The following OR4N2 variants were observed in gnomAD, a reference collection of about 807,000 sequenced individuals.
The protein encoded by OR4N2 is olfactory receptor family 4 subfamily N member 2.
For synonymous variants in OR4N2, 141 were observed against 140.4 expected (o/e 1.00, Z -0.03); for missense variants, 307 against 377.6 (o/e 0.81, Z 1.55).
chr14:19,828,412 G>T lies in OR4N2; in HGVS notation c.*40G>T, dbSNP rs141930983. ...AAAAAAAGAATAAAAATAGACTGTA[G>T]AATTTTATCTGAAATTGATTTGTTT... On this transcript the variant is annotated 3_prime_UTR_variant, in exon 2 of 2. Coordinates refer to ENST00000557677, the MANE Select transcript of OR4N2 (RefSeq NM_001004723.3). The T allele has an allele frequency of 2.0e-6, 3 of 1,488,630 alleles. No individual in the cohort carries two copies. The highest frequency in any genetic ancestry group is 2.5e-5 in the South Asian group (2 of 79,062). 92.2% of individuals were successfully genotyped at this position (1,488,630 alleles called of 1,614,324 possible). A position where few individuals can be genotyped will look rare whatever the true frequency, so the allele number is the denominator to read the frequency against.
At chr14:19,808,625 T>C (rs1879222869) in intron 1 of OR4N2, among the ~76,000 whole-genome samples, 1 of 152,166 alleles carries the variant, frequency 6.6e-6, no homozygotes, top group Non-Finnish European at 1.5e-5. Context: ...CAAGAATCAA[T>C]GTTGTTAAAA....
chr14:19,822,553 C>T (rs1322599988), intron 1 of OR4N2: 1 of 152,240 alleles, frequency 6.6e-6, no homozygotes. Flanking sequence ...AAACCACTAG[C>T]TGTACTGGCA....
chr14:19,812,328 T>C, intron 1 of OR4N2, among the ~76,000 whole-genome samples: 1 of 118,846 alleles, frequency 8.4e-6, no homozygotes, highest in Non-Finnish European at 1.9e-5. Flanking sequence ...TCTTTTCTTT[T>C]CTTTTTTTTT....
intron 1 of OR4N2, among the ~76,000 whole-genome samples, chr14:19,812,153 G>A (rs553842576): frequency 1.3e-5 from 2 of 152,166 alleles, no homozygotes; most frequent in African/African-American, 4.8e-5. Flanking sequence ...TCTGAAAAAC[G>A]AAACAAAGTA....
At chr14:19,804,723 A>C (rs1879121575) in intron 1 of OR4N2, among the ~76,000 whole-genome samples, 1 of 152,200 alleles carries the variant, frequency 6.6e-6, no homozygotes, top group African/African-American at 2.4e-5. Context: ...CCATTTTGTC[A>C]AATGTCGAGC....
At chr14:19,804,770 T>C (rs111769951) in intron 1 of OR4N2, among the ~76,000 whole-genome samples, 1 of 152,202 alleles carries the variant, frequency 6.6e-6, no homozygotes, top group Admixed American at 6.5e-5. Flanking sequence ...TCTATCTCAA[T>C]GCTCTAATAC....
At chr14:19,812,739 G>T (rs1879333967) in intron 1 of OR4N2, among the ~76,000 whole-genome samples, 1 of 152,130 alleles carries the variant, frequency 6.6e-6, no homozygotes, top group Non-Finnish European at 1.5e-5. Flanking sequence ...TTTCTCTAAT[G>T]AATAGTCAAG....
chr14:19,828,501 A>G lies in OR4N2; in HGVS notation c.*129A>G. On this transcript the variant is annotated 3_prime_UTR_variant, in exon 2 of 2. Transcript: ENST00000557677. ...TCAGGACTATTCTGGGAACTGAAAA[A>G]AGAAATTACTGAGGCAGATAAGGTC... is the stretch of plus-strand genomic sequence containing the variant. 1.2e-5 allele frequency: 12 copies of G among 964,196 alleles called. No homozygotes were observed. The highest frequency in any genetic ancestry group is 1.8e-5 in the Non-Finnish European group (12 of 664,872). 59.7% of individuals were successfully genotyped at this position (964,196 alleles called of 1,614,324 possible).
intron 1 of OR4N2, among the ~76,000 whole-genome samples, chr14:19,823,547 T>C (rs1879617761): frequency 6.6e-6 from 1 of 152,252 alleles, no homozygotes; most frequent in Non-Finnish European, 1.5e-5. Context: ...TTTCTGGTTT[T>C]TGTTTTGTTT....
At chr14:19,815,012 T>C (rs1879389927) in intron 1 of OR4N2, among the ~76,000 whole-genome samples, 1 of 152,272 alleles carries the variant, frequency 6.6e-6, no homozygotes, top group Admixed American at 6.5e-5. Context: ...CATCCTGTTT[T>C]ATGGCTGCAT....
intron 1 of OR4N2, among the ~76,000 whole-genome samples, chr14:19,827,203 G>A (rs1879721369): frequency 6.6e-6 from 1 of 152,276 alleles, no homozygotes; most frequent in Non-Finnish European, 1.5e-5. Context: ...TGATTCTGTA[G>A]AAGCACATGG....
intron 1 of OR4N2, among the ~76,000 whole-genome samples, chr14:19,808,722 C>A (rs1453088879): frequency 6.6e-5 from 10 of 151,922 alleles, no homozygotes; most frequent in Non-Finnish European, 5.9e-5. Context: ...GAAAAAAGAT[C>A]TAAAATTCAT....
rs1382883942 is a variant in OR4N2, at chr14:19,815,417, G to A, written c.-10+11573G>A. On this transcript the variant is annotated intron_variant, in intron 1 of 1. Transcript: ENST00000557677. The stretch of plus-strand genomic sequence containing the variant: ...TGGTTTTGATTTGCATTTCTCTAAT[G>A]ACCAGTGATGATGAGCTTTTTTTTC... Among the ~76,000 whole-genome samples the A allele has an allele frequency of 6.0e-3, 907 of 152,258 alleles. 5 individuals carry two copies. The highest frequency in any genetic ancestry group is 0.02 in the African/African-American group (818 of 41,488).
intron 1 of OR4N2, among the ~76,000 whole-genome samples, chr14:19,805,899 GA>G (rs1350276525): frequency 3.9e-5 from 6 of 152,122 alleles, no homozygotes; most frequent in African/African-American, 1.4e-4. Context: ...TTATAAGCCA[GA>G]AAAAATTGGG....
At chr14:19,815,025 T>C (rs1351385622) in intron 1 of OR4N2, among the ~76,000 whole-genome samples, 4 of 152,276 alleles carry the variant, frequency 2.6e-5, no homozygotes, top group Admixed American at 6.5e-5. Context: ...GGCTGCATAG[T>C]ATTCCATAAT....
At chr14:19,821,363 C>T (rs1269578517) in intron 1 of OR4N2, among the ~76,000 whole-genome samples, 1 of 152,194 alleles carries the variant, frequency 6.6e-6, no homozygotes, top group Non-Finnish European at 1.5e-5. Flanking sequence ...GAGTTGCAGA[C>T]CAGAGTTGCT....
chr14:19,824,416 T>G (rs1374681687), intron 1 of OR4N2, among the ~76,000 whole-genome samples: 4 of 152,246 alleles, frequency 2.6e-5, no homozygotes. Flanking sequence ...ATGGAAGAGC[T>G]TATAACCTTC....
intron 1 of OR4N2, among the ~76,000 whole-genome samples, chr14:19,819,402 C>A (rs1305251135): frequency 2.0e-5 from 3 of 152,196 alleles, no homozygotes; most frequent in Admixed American, 1.3e-4. Flanking sequence ...TCTTTTTTCT[C>A]CAATCTTGTC....
intron 1 of OR4N2, among the ~76,000 whole-genome samples, chr14:19,823,277 G>A (rs1265873049): frequency 4.0e-5 from 6 of 151,886 alleles, no homozygotes; most frequent in African/African-American, 7.3e-5. Flanking sequence ...TATTTCATTA[G>A]GATGCTACTA....
Sources: gnomAD v4.1 joint callset for allele counts (sites outside exome capture counted in the v4.1 genomes callset) on GRCh38, gnomAD v4.1.1 for gene constraint, MANE v1.5 for transcripts, NCBI Gene and HGNC (gene_info 2026-07-23, HGNC 2026-07-21) for gene names.